FAM168B: variants seen among roughly 807,000 people sequenced by gnomAD.
FAM168B encodes the protein myelin-associated neurite-outgrowth inhibitor.
Under a neutral mutation model 21.8 loss-of-function variants are expected in FAM168B, and 19 were observed. The observed-to-expected ratio is 0.87, with a 90% CI of 0.61 to 1.28. The LOEUF (loss-of-function observed/expected upper bound fraction) is 1.28, where lower values mean the gene tolerates loss of function less well. FAM168B is among the 50% of genes most tolerant of loss of function. The pLI is 0.00. For missense variants in FAM168B, 233 were observed against 263.1 expected, an observed-to-expected ratio of 0.89 and a Z score of 0.79; for synonymous variants, 126 against 104.8, an observed-to-expected ratio of 1.20 and a Z score of -1.24.
intron 2 of FAM168B, among the ~76,000 whole-genome samples, chr2:131,081,703 A>C (rs2105567036): frequency 6.6e-6 from 1 of 152,264 alleles, no homozygotes; most frequent in South Asian, 2.1e-4. Context: ...CCTAATACTC[A>C]ATCTCTATCC....
rs1692619850 is a variant in FAM168B at position 131,067,443 on chromosome 2, T to C, written c.154+4412A>G. Reference sequence around the variant, plus strand: ...ATTGGGTGCAAACTGAACGGCAAGATCAAGAAAGCAGCAGGGGCTGGGTGT... The same window carrying C: ...ATTGGGTGCAAACTGAACGGCAAGACCAAGAAAGCAGCAGGGGCTGGGTGT... On this transcript the variant is annotated intron_variant, in intron 3 of 6. Coordinates refer to ENST00000389915, the MANE Select transcript of FAM168B (RefSeq NM_001009993.4). Among the ~76,000 whole-genome samples the C allele has an allele frequency of 2.0e-5, 3 of 152,048 alleles. No individual in the cohort carries two copies. The South Asian group carries it at 6.2e-4, about 32-fold the overall frequency.
chr2:131,081,376 T>C (rs1267298526), intron 2 of FAM168B, among the ~76,000 whole-genome samples: 1 of 152,196 alleles, frequency 6.6e-6, no homozygotes, highest in Non-Finnish European at 1.5e-5. Context: ...GTTGTGAACA[T>C]ATGCCCCCAC....
At chr2:131,071,793 T>C in intron 3 of FAM168B, 62 bp downstream of exon 3, 1 of 1,352,982 alleles carries the variant, frequency 7.4e-7, no homozygotes, top group Non-Finnish European at 1.1e-6. Context: ...CCTCTCAAAA[T>C]CCACCCCTTC....
chr2:131,052,882 G>C lies in FAM168B; in HGVS notation c.*12+9C>G, dbSNP rs1322857011. 1.9e-6 allele frequency: 3 copies of C among 1,548,656 alleles called. No individual in the cohort carries two copies. Among genetic ancestry groups the C allele is most frequent in the Non-Finnish European group, 2.6e-6 (3 of 1,145,430 alleles). On this transcript the variant is annotated intron_variant, in intron 6 of 6. Coordinates refer to ENST00000389915, the MANE Select transcript of FAM168B (RefSeq NM_001009993.4). ...TCAAAGGCTAGCCCAGCCTTCCCTG[G>C]TCACTTACATTTGCAGGTGATCACC...
chr2:131,087,869 T>C (rs1693796596), intron 1 of FAM168B, among the ~76,000 whole-genome samples: 1 of 152,170 alleles, frequency 6.6e-6, no homozygotes, highest in South Asian at 2.1e-4. Context: ...AGCCAAAAAC[T>C]GCAAATTCAA....
At chr2:131,054,582 C>CAGT (rs1691900413) in intron 5 of FAM168B, among the ~76,000 whole-genome samples, 1 of 152,184 alleles carries the variant, frequency 6.6e-6, no homozygotes. Flanking sequence ...AAGGAGGGAA[C>CAGT]AGTACGCTTT....
rs949592457 is a variant in FAM168B, at chr2:131,052,937, G to A, written c.554C>T (p.Thr185Met). ...AGGGGGCACATAGCTGTAAGTGGGCGTTCCTGGGGCCCGGTACGTGGGCAC... is the reference window on the plus strand; with the variant it reads ...AGGGGGCACATAGCTGTAAGTGGGCATTCCTGGGGCCCGGTACGTGGGCAC... ...VTVPTYRAPG[T>M]PTYSYVPPQW is the part of the protein sequence containing the mutation. Residue 185 changes from threonine to methionine, a missense_variant, in exon 6 of 7, where the codon ACG (threonine) becomes ATG (methionine). By Grantham distance (81) the Thr-to-Met change is moderately conservative (BLOSUM62 -1). Transcript: ENST00000389915. The A allele has an allele frequency of 6.4e-6, 10 of 1,563,562 alleles. No individual in the cohort carries two copies. Among genetic ancestry groups the A allele is most frequent in the African/African-American group, 1.4e-5 (1 of 73,750 alleles).
In FAM168B at chr2:131,048,423, A is replaced by C. The variant is rs565335754; in HGVS notation, c.*4042T>G. Reference sequence around the variant, plus strand: ...TGCAGGCCCGGGGGGGGGTCCCTACACAGACGCCGCTCATCCTCTGTCTCC... The same window carrying C: ...TGCAGGCCCGGGGGGGGGTCCCTACCCAGACGCCGCTCATCCTCTGTCTCC... On this transcript the variant is annotated 3_prime_UTR_variant, in exon 7 of 7. Transcript: ENST00000389915. 2.2e-4 allele frequency: 269 copies of C among 1,235,924 alleles called. 1 individual carries two copies. The highest frequency in any genetic ancestry group is 1.0e-3 in the Middle Eastern group (3 of 2,918). The allele number at this position is 1,235,924 out of a possible 1,614,324, so 76.6% of individuals were successfully genotyped here.
chr2:131,092,998 G>A (rs999882220), intron 1 of FAM168B, among the ~76,000 whole-genome samples: 9 of 151,700 alleles, frequency 5.9e-5, no homozygotes, highest in Admixed American at 1.3e-4. Flanking sequence ...GCAGGCCCGC[G>A]CCGCCCGGAC....
intron 5 of FAM168B, 41 bp downstream of exon 5, chr2:131,055,231 G>C: frequency 6.9e-7 from 1 of 1,454,608 alleles, no homozygotes; most frequent in Non-Finnish European, 9.0e-7. Flanking sequence ...CCCAGCTCTA[G>C]GGTACACCAT....
intron 1 of FAM168B, among the ~76,000 whole-genome samples, chr2:131,092,978 C>G (rs1211017295): frequency 6.6e-6 from 1 of 151,966 alleles, no homozygotes; most frequent in Non-Finnish European, 1.5e-5. Context: ...CCACCTCGGC[C>G]ACCTAGGCGG....
intron 3 of FAM168B, among the ~76,000 whole-genome samples, chr2:131,069,736 A>C (rs1024467751): frequency 2.0e-5 from 3 of 151,470 alleles, no homozygotes; most frequent in Non-Finnish European, 2.9e-5. Flanking sequence ...CTCATGATCC[A>C]CCCACCCCGG....
Position 131,068,080 on chromosome 2 carries a change from C to G in FAM168B, c.154+3775G>C, listed in dbSNP as rs78603086. ...CAAGACATGAAAACAGAGAGGATAC[C>G]AGAAAAAGATGGGCACACAGCTGTG... On this transcript the variant is annotated intron_variant, in intron 3 of 6. Coordinates refer to ENST00000389915, the MANE Select transcript of FAM168B (RefSeq NM_001009993.4). Among the ~76,000 whole-genome samples the G allele has an allele frequency of 5.6e-3, 847 of 152,246 alleles. 7 individuals carry two copies. Among genetic ancestry groups the G allele is most frequent in the African/African-American group, 0.019 (777 of 41,518 alleles).
chr2:131,052,360 G>C lies in FAM168B; in HGVS notation c.*105C>G, dbSNP rs1237505999. 1 of 986,362 alleles carries C rather than the reference G, an allele frequency of 1.0e-6. No homozygotes were observed. The highest frequency in any genetic ancestry group is 1.2e-6 in the Non-Finnish European group (1 of 830,344). 61.1% of individuals were successfully genotyped at this position (986,362 alleles called of 1,614,324 possible). A position where few individuals can be genotyped will look rare whatever the true frequency, so the allele number is the denominator to read the frequency against. ...AGTCGTGTTTAGCTAAGTGTCGAGA[G>C]CATTAAGAAGAAAGTCCTGGTTGGA... On this transcript the variant is annotated 3_prime_UTR_variant, in exon 7 of 7. Transcript: ENST00000389915.
rs968151723 is a variant in FAM168B, at chr2:131,051,347, T to TA, written c.*1117dup. The TA allele has an allele frequency of 9.1e-6, 9 of 985,410 alleles. 1 individual carries two copies. The African/African-American group carries it at 1.6e-4, about 17-fold the overall frequency. The allele number at this position is 985,410 out of a possible 1,614,324, so 61.0% of individuals were successfully genotyped here. A position where few individuals can be genotyped will look rare whatever the true frequency, so the allele number is the denominator to read the frequency against. ...TACAAGAAATTGGAGGAATTTTAAA[T>TA]AAAGTTTTGTTCCCTTTTAACTCAT... On this transcript the variant is annotated 3_prime_UTR_variant, in exon 7 of 7. Coordinates refer to ENST00000389915, the MANE Select transcript of FAM168B (RefSeq NM_001009993.4).
rs1327092582 is a variant in FAM168B, at chr2:131,056,105, G to C, written c.155-410C>G. On this transcript the variant is annotated intron_variant, in intron 3 of 6. Transcript: ENST00000389915. The stretch of plus-strand genomic sequence containing the variant: ...AGTCTGTCTTAAAGCAATACACATG[G>C]ATCTATACACACACAGAGACTTAAC... Among the ~76,000 whole-genome samples, 3 of 152,054 alleles carry C rather than the reference G, an allele frequency of 2.0e-5. No homozygotes were observed. In the South Asian group the frequency reaches 6.2e-4, roughly 32 times the overall value.
chr2:131,049,027 A>G lies in FAM168B; in HGVS notation c.*3438T>C. On this transcript the variant is annotated 3_prime_UTR_variant, in exon 7 of 7. Coordinates refer to ENST00000389915, the MANE Select transcript of FAM168B (RefSeq NM_001009993.4). ...AAGTCTGGGTCTCCTTTTTTAAAGC[A>G]GACACCAATACTTACATAACTAGTA... 1.0e-6 allele frequency: 1 copy of G among 985,496 alleles called. No individual in the cohort carries two copies. Among genetic ancestry groups the G allele is most frequent in the East Asian group, 1.1e-4 (1 of 8,820 alleles). The allele number at this position is 985,496 out of a possible 1,614,324, so 61.0% of individuals were successfully genotyped here.
At chr2:131,073,661 T>C (rs536985248) in intron 2 of FAM168B, among the ~76,000 whole-genome samples, 41 of 152,326 alleles carry the variant, frequency 2.7e-4, no homozygotes, top group African/African-American at 7.9e-4. Flanking sequence ...CGCCATGCTC[T>C]TGGACTTCCC....
At chr2:131,077,188 G>A (rs1693198037) in intron 2 of FAM168B, among the ~76,000 whole-genome samples, 1 of 149,476 alleles carries the variant, frequency 6.7e-6, no homozygotes, top group Non-Finnish European at 1.5e-5. Flanking sequence ...CCACAAGATG[G>A]AGTGTATGTA....
Sources: allele counts gnomAD v4.1 joint callset (sites outside exome capture counted in the v4.1 genomes callset), GRCh38; gene constraint gnomAD v4.1.1; transcripts MANE v1.5; gene names NCBI Gene and HGNC (gene_info 2026-07-23, HGNC 2026-07-21).